The following WFIKKN2 variants were observed in gnomAD, a reference collection of about 807,000 sequenced individuals.
WFIKKN2 encodes WAP, follistatin/kazal, immunoglobulin, kunitz and netrin domain containing 2.
WFIKKN2 carries 25 observed loss-of-function variants against 39.2 expected under a neutral mutation model. The observed-to-expected ratio is 0.64, with a 90% CI of 0.47 to 0.89. The LOEUF (loss-of-function observed/expected upper bound fraction) is 0.89, where lower values mean the gene tolerates loss of function less well. Among genes scored for constraint, WFIKKN2 ranks in the 40% least tolerant of loss-of-function variants. WFIKKN2 has a pLI of 0.00. For missense variants in WFIKKN2, 770 were observed against 811.7 expected (o/e 0.95, Z 0.62); for synonymous variants, 345 against 329.7 (o/e 1.05, Z -0.50).
At position 50,836,155 on chromosome 17, in the gene WFIKKN2, G is replaced by C; in HGVS notation, c.210+8G>C. The C allele has an allele frequency of 6.2e-7, 1 of 1,612,494 alleles. No homozygotes were observed. The highest frequency in any genetic ancestry group is 8.5e-7 in the Non-Finnish European group (1 of 1,179,346). On this transcript the variant is annotated splice_region_variant and intron_variant, in intron 1 of 1. Transcript: ENST00000311378. The stretch of plus-strand genomic sequence containing the variant: ...GAGTGTGAGACGGACCAGGTGAGTG[G>C]GGTCCAGAGACCAGAGATGGACCAC...
intron 1 of WFIKKN2, among the ~76,000 whole-genome samples, chr17:50,839,223 C>T (rs1029297219): frequency 2.0e-5 from 3 of 152,210 alleles, no homozygotes; most frequent in Admixed American, 6.5e-5. Context: ...TACTTAGCCT[C>T]TCTGTGCCTC....
rs764077628 is a variant in WFIKKN2, at chr17:50,840,885, G to A, written c.1597G>A (p.Val533Met). 3.5e-5 allele frequency: 56 copies of A among 1,609,332 alleles called. 1 individual carries two copies. The Admixed American group carries it at 5.0e-4, about 14-fold the overall frequency. The change falls in exon 2 of 2, where the codon GTG (valine) becomes ATG (methionine). Residue 533 changes from valine to methionine, a missense_variant. Transcript: ENST00000311378. Reference protein sequence around the residue: ...SEMPLIIMGEVDGGMAMLRPD... With the variant: ...SEMPLIIMGEMDGGMAMLRPD... ...GATGCCGCTCATCATCATGGGGGAG[G>A]TGGACGGCGGCATGGCCATGCTGCG... is the stretch of plus-strand genomic sequence containing the variant.
rs545449963 is a variant in WFIKKN2, at chr17:50,841,095, G to A, written c.*76G>A. 28 of 1,421,388 alleles carry A rather than the reference G, an allele frequency of 2.0e-5. No homozygotes were observed. The highest frequency in any genetic ancestry group is 2.9e-5 in the African/African-American group (2 of 69,664). 88.0% of individuals were successfully genotyped at this position (1,421,388 alleles called of 1,614,324 possible). On this transcript the variant is annotated 3_prime_UTR_variant, in exon 2 of 2. Coordinates refer to ENST00000311378, the MANE Select transcript of WFIKKN2 (RefSeq NM_175575.6). ...CCCAATGCCTCTCAGCAAACTGGGC[G>A]AGGTCAGATTAGACAGGCTTGGGAC...
chr17:50,839,639 G>A lies in WFIKKN2; in HGVS notation c.351G>A (p.Leu117=). The change falls in exon 2 of 2, where the codon CTG becomes CTA. Residue 117 remains leucine, a synonymous_variant. Coordinates refer to ENST00000311378, the MANE Select transcript of WFIKKN2 (RefSeq NM_175575.6). ...CCACATGTGACCACTTCATGTGTCT[G>A]CAGCAGGGCTCTGAGTGTGACATCT... is the stretch of plus-strand genomic sequence containing the variant. ...KEATCDHFMC[L]QQGSECDIWD... The A allele has an allele frequency of 1.2e-6, 2 of 1,614,244 alleles. No individual in the cohort carries two copies. Among genetic ancestry groups the A allele is most frequent in the South Asian group, 2.2e-5 (2 of 91,086 alleles).
Position 50,835,870 on chromosome 17 carries a change from A to G in WFIKKN2, c.-68A>G. 3.3e-6 allele frequency: 5 copies of G among 1,520,584 alleles called. No individual in the cohort carries two copies. The highest frequency in any genetic ancestry group is 4.4e-6 in the Non-Finnish European group (5 of 1,126,912). The allele number at this position is 1,520,584 out of a possible 1,614,324, so 94.2% of individuals were successfully genotyped here. On this transcript the variant is annotated 5_prime_UTR_variant, in exon 1 of 2. Coordinates refer to ENST00000311378, the MANE Select transcript of WFIKKN2 (RefSeq NM_175575.6). ...GCAGGTGTCTGCAGCCCCTGAGAAG[A>G]AGGCCCTGGTGGGCCCCAGACCCTG...
intron 1 of WFIKKN2, among the ~76,000 whole-genome samples, chr17:50,837,528 C>T (rs1432386073): frequency 6.6e-6 from 1 of 152,228 alleles, no homozygotes; most frequent in East Asian, 1.9e-4. Flanking sequence ...CCAGGCAGAG[C>T]TATTTCCTGC....
In WFIKKN2 at chr17:50,840,127, A is replaced by AG. The variant is rs766961174; in HGVS notation, c.841dup (p.Asp281GlyfsTer19). 6.2e-7 allele frequency: 1 copy of AG among 1,606,244 alleles called. No individual in the cohort carries two copies. The highest frequency in any genetic ancestry group is 8.5e-7 in the Non-Finnish European group (1 of 1,176,552). ...CTGGTCATCTATAACGCCCAGCTGC[A>AG]GGATGCTGGGATCTACACCTGCACG... On this transcript the variant is annotated frameshift_variant, in exon 2 of 2. Transcript: ENST00000311378. LOFTEE classifies it high-confidence loss of function.
rs769127757 is a variant in WFIKKN2 at position 50,836,045 on chromosome 17, G to A, written c.108G>A (p.Pro36=). The change falls in exon 1 of 2, where the codon CCG becomes CCA. Residue 36 remains proline, a synonymous_variant. Transcript: ENST00000311378. ...LGVPPRSLAL[P]PIRYSHAGIC... The stretch of plus-strand genomic sequence containing the variant: ...TGCCCCCGCGAAGCCTGGCGCTGCC[G>A]CCCATCCGCTATTCCCACGCCGGCA... 6.2e-6 allele frequency: 10 copies of A among 1,602,478 alleles called. No individual in the cohort carries two copies. Among genetic ancestry groups the A allele is most frequent in the African/African-American group, 5.4e-5 (4 of 74,746 alleles).
Position 50,835,956 on chromosome 17 carries a change from C to A in WFIKKN2, c.19C>A (p.Arg7Ser). ...CTGCACCATGTGGGCCCCAAGGTGTCGCCGGTTCTGGTCTCGCTGGGAGCA... is the reference window on the plus strand; with the variant it reads ...CTGCACCATGTGGGCCCCAAGGTGTAGCCGGTTCTGGTCTCGCTGGGAGCA... MWAPRCRRFWSRWEQVA... is the reference protein window; with the variant it reads MWAPRCSRFWSRWEQVA... Residue 7 changes from arginine (R) to serine (S), a missense_variant, in exon 1 of 2, where the codon CGC (arginine) becomes AGC (serine). Arg to Ser is a moderately radical substitution (Grantham distance 110). Transcript: ENST00000311378. 1.2e-6 allele frequency: 2 copies of A among 1,610,920 alleles called. No individual in the cohort carries two copies. The highest frequency in any genetic ancestry group is 8.5e-7 in the Non-Finnish European group (1 of 1,178,864).
At chr17:50,838,601 T>A (rs1567907206) in intron 1 of WFIKKN2, among the ~76,000 whole-genome samples, 1 of 152,228 alleles carries the variant, frequency 6.6e-6, no homozygotes, top group Non-Finnish European at 1.5e-5. Context: ...CTCCACAGAA[T>A]ATCAGAGGGG....
intron 1 of WFIKKN2, among the ~76,000 whole-genome samples, chr17:50,836,475 C>A (rs1253860570): frequency 8.4e-6 from 1 of 119,408 alleles, no homozygotes; most frequent in Non-Finnish European, 1.8e-5. Flanking sequence ...GTGTGTGAGG[C>A]GGACCAGGTG....
rs751660049 is a variant in WFIKKN2 at position 50,840,806 on chromosome 17, C to G, written c.1518C>G (p.Val506=). The G allele has an allele frequency of 6.2e-7, 1 of 1,614,086 alleles. No individual in the cohort carries two copies. Among genetic ancestry groups the G allele is most frequent in the Non-Finnish European group, 8.5e-7 (1 of 1,180,014 alleles). Residue 506 remains valine (V), a synonymous_variant, in exon 2 of 2, where the codon GTC becomes GTG. Transcript: ENST00000311378. ...LKFLGQEPLE[V]TLLHVDWACP... ...TCCTGGGCCAGGAGCCATTGGAGGT[C>G]ACTCTGCTTCACGTGGACTGGGCAT...
Position 50,840,911 on chromosome 17 carries a change from C to A in WFIKKN2, c.1623C>A (p.Arg541=), listed in dbSNP as rs780725624. ...GEVDGGMAML[R]PDSFVGASSA... ...TGGACGGCGGCATGGCCATGCTGCG[C>A]CCCGATAGCTTTGTGGGCGCATCGA... Residue 541 remains arginine, a synonymous_variant, in exon 2 of 2, where the codon CGC becomes CGA. Coordinates refer to ENST00000311378, the MANE Select transcript of WFIKKN2 (RefSeq NM_175575.6). 8 of 1,606,418 alleles carry A rather than the reference C, an allele frequency of 5.0e-6. No individual in the cohort carries two copies. Among genetic ancestry groups the A allele is most frequent in the Non-Finnish European group, 6.8e-6 (8 of 1,174,382 alleles).
At position 50,839,916 on chromosome 17, in the gene WFIKKN2, C is replaced by T; in HGVS notation, c.628C>T (p.Pro210Ser). 6.2e-7 allele frequency: 1 copy of T among 1,614,206 alleles called. No individual in the cohort carries two copies. Residue 210 changes from proline (P) to serine (S), a missense_variant, in exon 2 of 2, where the codon CCT becomes TCT. Pro to Ser is a moderately conservative substitution (Grantham distance 74). Coordinates refer to ENST00000311378, the MANE Select transcript of WFIKKN2 (RefSeq NM_175575.6). ...GACCCCTGAGCTGGACATGGCGGCC[C>T]CTGCGCTGCTCAACAACCCTGTGCA... ...PETPELDMAA[P>S]ALLNNPVHQS... is the part of the protein sequence containing the mutation.
chr17:50,835,714 A>G lies in WFIKKN2; in HGVS notation c.-224A>G, dbSNP rs1971944908. The G allele has an allele frequency of 1.7e-6, 1 of 574,642 alleles. No individual in the cohort carries two copies. The highest frequency in any genetic ancestry group is 3.0e-6 in the Non-Finnish European group (1 of 328,196). The allele number at this position is 574,642 out of a possible 1,614,324, so 35.6% of individuals were successfully genotyped here. ...CTCTCCCTGCACACTCAGGAGAGGG[A>G]GCTTCCTTCTAAAGACCTTTCTTTT... On this transcript the variant is annotated 5_prime_UTR_variant, in exon 1 of 2. Transcript: ENST00000311378.
intron 1 of WFIKKN2, among the ~76,000 whole-genome samples, chr17:50,837,135 G>A (rs1971970177): frequency 6.6e-6 from 1 of 152,228 alleles, no homozygotes; most frequent in Non-Finnish European, 1.5e-5. Context: ...ATTCACAGGT[G>A]AGAGAGTGGA....
intron 1 of WFIKKN2, 134 bp from the exon 2 acceptor site, chr17:50,839,365 T>A (rs1392783648): frequency 7.4e-6 from 6 of 814,956 alleles, no homozygotes; most frequent in African/African-American, 7.0e-5. Context: ...GCATTCGTTA[T>A]TATTTTCAAG....
In WFIKKN2 at chr17:50,840,639, C is replaced by T. The variant is rs1597982259; in HGVS notation, c.1351C>T (p.Arg451Trp). Residue 451 changes from arginine (R) to tryptophan (W), a missense_variant, in exon 2 of 2, where the codon CGG (arginine) becomes TGG (tryptophan). Arg to Trp is a moderately radical substitution (Grantham distance 101). Coordinates refer to ENST00000311378, the MANE Select transcript of WFIKKN2 (RefSeq NM_175575.6). Reference sequence around the variant, plus strand: ...CCAGCGCTGTCGGGCCTGCAAGCCTCGGCAGAAGCTCGTTACCAGCTTCTG... The same window carrying T: ...CCAGCGCTGTCGGGCCTGCAAGCCTTGGCAGAAGCTCGTTACCAGCTTCTG... ...GNQRCRACKP[R>W]QKLVTSFCRS... The T allele has an allele frequency of 6.2e-6, 10 of 1,614,014 alleles. No homozygotes were observed. The highest frequency in any genetic ancestry group is 2.2e-5 in the East Asian group (1 of 44,886).
upstream of WFIKKN2, chr17:50,835,340 G>C (rs966710550): frequency 6.6e-6 from 1 of 152,414 alleles, no homozygotes; most frequent in African/African-American, 2.4e-5. Flanking sequence ...CAAAGGGGAG[G>C]AGGGGGCCCG....
Sources: gnomAD v4.1 joint callset for allele counts (sites outside exome capture counted in the v4.1 genomes callset) on GRCh38, gnomAD v4.1.1 for gene constraint, MANE v1.5 for transcripts, NCBI Gene and HGNC (gene_info 2026-07-23, HGNC 2026-07-21) for gene names.